EXOC6B: variants seen among roughly 807,000 people sequenced by gnomAD.
EXOC6B encodes SEC15 homolog B.
Under a neutral mutation model 113.5 loss-of-function variants are expected in EXOC6B, and 54 were observed. The observed-to-expected ratio is 0.48, with a 90% CI of 0.38 to 0.60. The LOEUF is 0.60. Among genes scored for constraint, EXOC6B ranks in the 20% least tolerant of loss-of-function variants. EXOC6B has a pLI of 0.00. For missense variants in EXOC6B, 797 were observed against 977.5 expected, an observed-to-expected ratio of 0.82 and a Z score of 2.46; for synonymous variants, 357 against 339.0, an observed-to-expected ratio of 1.05 and a Z score of -0.58.
At chr2:72,280,249 G>C (rs1186234586) in intron 20 of EXOC6B, among the ~76,000 whole-genome samples, 1 of 151,806 alleles carries the variant, frequency 6.6e-6, no homozygotes, top group Non-Finnish European at 1.5e-5. Context: ...CAGTGATGAA[G>C]CAGGCATCAC....
intron 19 of EXOC6B, among the ~76,000 whole-genome samples, chr2:72,345,590 A>G (rs2104922500): frequency 6.6e-6 from 1 of 152,298 alleles, no homozygotes; most frequent in South Asian, 2.1e-4. Context: ...AAAGCTACAT[A>G]TTGTATGATT....
chr2:72,457,500 AATTAAC>A (rs1406926574), intron 18 of EXOC6B, among the ~76,000 whole-genome samples: 1 of 152,062 alleles, frequency 6.6e-6, no homozygotes, highest in Non-Finnish European at 1.5e-5. Flanking sequence ...ATGTCATACA[AATTAAC>A]ATTAACAACA....
At chr2:72,530,312 T>C (rs745947543) in intron 8 of EXOC6B, among the ~76,000 whole-genome samples, 3 of 152,232 alleles carry the variant, frequency 2.0e-5, no homozygotes, top group Non-Finnish European at 4.4e-5. Flanking sequence ...ATCTTCATTT[T>C]CATTCAGTTC....
intron 1 of EXOC6B, among the ~76,000 whole-genome samples, chr2:72,768,406 C>T (rs1203955247): frequency 6.6e-6 from 1 of 151,388 alleles, no homozygotes; most frequent in East Asian, 2.0e-4. Flanking sequence ...ATTCTCTTGC[C>T]GCAGCCTCCC....
At chr2:72,437,892 G>T (rs1209478464) in intron 18 of EXOC6B, among the ~76,000 whole-genome samples, 1 of 151,876 alleles carries the variant, frequency 6.6e-6, no homozygotes, top group African/African-American at 2.4e-5. Flanking sequence ...TATTTCAGTG[G>T]TGAATTATTC....
intron 6 of EXOC6B, among the ~76,000 whole-genome samples, chr2:72,682,758 CTT>C (rs1676802273): frequency 6.6e-6 from 1 of 152,144 alleles, no homozygotes; most frequent in Non-Finnish European, 1.5e-5. Context: ...GAAAATCCCT[CTT>C]GATTCCACAT....
At chr2:72,353,052 T>C (rs1428817199) in intron 19 of EXOC6B, among the ~76,000 whole-genome samples, 1 of 152,138 alleles carries the variant, frequency 6.6e-6, no homozygotes, top group Non-Finnish European at 1.5e-5. Context: ...GGGCATACTA[T>C]GAACATTAGG....
chr2:72,251,833 G>T (rs1393525104), intron 20 of EXOC6B, among the ~76,000 whole-genome samples: 2 of 152,134 alleles, frequency 1.3e-5, no homozygotes, highest in Non-Finnish European at 2.9e-5. Flanking sequence ...TGTTTAGCAT[G>T]TGTAAAACCT....
chr2:72,656,909 T>C lies in EXOC6B; in HGVS notation c.669+61194A>G, dbSNP rs183775000. Reference sequence around the variant, plus strand: ...TCTTGTTGCCCAGGCTGGAGTCCAGTGGAGTGATCTCGGCTCACTGCAACC... The same window carrying C: ...TCTTGTTGCCCAGGCTGGAGTCCAGCGGAGTGATCTCGGCTCACTGCAACC... On this transcript the variant is annotated intron_variant, in intron 6 of 21. Coordinates refer to ENST00000272427, the MANE Select transcript of EXOC6B (RefSeq NM_015189.3). Among the ~76,000 whole-genome samples, 100 of 152,264 alleles carry C rather than the reference T, an allele frequency of 6.6e-4. 1 individual carries two copies. The East Asian group carries it at 0.014, about 21-fold the overall frequency.
At position 72,179,065 on chromosome 2, in the gene EXOC6B, G is replaced by T. The variant is rs181565675; in HGVS notation, c.*270C>A. The stretch of plus-strand genomic sequence containing the variant: ...TGGATGAAAGGTGGTTCATCACTGT[G>T]GAATTGATGATACCACCATCTCTAA... On this transcript the variant is annotated 3_prime_UTR_variant, in exon 22 of 22. Transcript: ENST00000272427. The T allele has an allele frequency of 5.0e-4, 188 of 376,280 alleles. No homozygotes were observed. The highest frequency in any genetic ancestry group is 1.2e-3 in the Admixed American group (28 of 23,578). 23.3% of individuals were successfully genotyped at this position (376,280 alleles called of 1,614,324 possible).
chr2:72,472,545 A>G (rs565439032), intron 17 of EXOC6B, among the ~76,000 whole-genome samples: 8 of 152,198 alleles, frequency 5.3e-5, no homozygotes, highest in African/African-American at 1.4e-4. Context: ...GGTATCAGTT[A>G]TAATGTCTCT....
At chr2:72,345,976 G>A (rs1475813944) in intron 19 of EXOC6B, among the ~76,000 whole-genome samples, 2 of 152,036 alleles carry the variant, frequency 1.3e-5, no homozygotes, top group African/African-American at 4.8e-5. Context: ...ATTTTGCTGG[G>A]AACCTAAAAC....
At chr2:72,508,919 C>T (rs1700754814) in intron 11 of EXOC6B, among the ~76,000 whole-genome samples, 1 of 152,026 alleles carries the variant, frequency 6.6e-6, no homozygotes, top group Non-Finnish European at 1.5e-5. Flanking sequence ...TGAGTGTATA[C>T]ATAATATAAT....
chr2:72,501,351 A>G (rs957584910), intron 11 of EXOC6B, among the ~76,000 whole-genome samples: 1 of 152,060 alleles, frequency 6.6e-6, no homozygotes, highest in African/African-American at 2.4e-5. Context: ...CTCTCTCACA[A>G]TGTGACACAC....
At chr2:72,202,145 T>C (rs914322929) in intron 20 of EXOC6B, among the ~76,000 whole-genome samples, 2 of 152,228 alleles carry the variant, frequency 1.3e-5, no homozygotes, top group Non-Finnish European at 2.9e-5. Context: ...TTCTGGTCTA[T>C]ATATGGCTTG....
At chr2:72,446,204 T>C (rs1216305939) in intron 18 of EXOC6B, among the ~76,000 whole-genome samples, 3 of 152,098 alleles carry the variant, frequency 2.0e-5, no homozygotes, top group African/African-American at 7.2e-5. Flanking sequence ...AAATGTCCAT[T>C]CACTATAGAA....
intron 18 of EXOC6B, among the ~76,000 whole-genome samples, chr2:72,456,122 A>T (rs1424285193): frequency 6.6e-6 from 1 of 152,140 alleles, no homozygotes; most frequent in Non-Finnish European, 1.5e-5. Flanking sequence ...GGATAATGAC[A>T]TATAAAAGAA....
intron 20 of EXOC6B, among the ~76,000 whole-genome samples, chr2:72,317,546 A>G (rs965399649): frequency 3.5e-5 from 5 of 144,680 alleles, no homozygotes; most frequent in African/African-American, 1.4e-4. Context: ...ACAGGGAAGC[A>G]TGTATGAACA....
At chr2:72,424,402 T>C (rs2105274759) in intron 18 of EXOC6B, among the ~76,000 whole-genome samples, 1 of 152,240 alleles carries the variant, frequency 6.6e-6, no homozygotes, top group South Asian at 2.1e-4. Flanking sequence ...AATTGTAGCA[T>C]TCTTTTAATT....
Sources: gnomAD v4.1 joint callset for allele counts (sites outside exome capture counted in the v4.1 genomes callset) on GRCh38, gnomAD v4.1.1 for gene constraint, MANE v1.5 for transcripts, NCBI Gene and HGNC (gene_info 2026-07-23, HGNC 2026-07-21) for gene names.